The following UBE3C variants were observed in gnomAD, a reference collection of about 807,000 sequenced individuals.
UBE3C encodes the protein ubiquitin-protein ligase E3C.
UBE3C carries 42 observed loss-of-function variants against 129.4 expected under a neutral mutation model. The observed-to-expected ratio is 0.32, with a 90% CI of 0.25 to 0.42. UBE3C has a LOEUF of 0.42. UBE3C is among the 10% of genes least tolerant of loss of function. The pLI is 1.00. For synonymous variants in UBE3C, 510 were observed against 492.4 expected (o/e 1.04, Z -0.47); for missense variants, 1,049 against 1,319.1 (o/e 0.80, Z 3.17).
At chr7:157,184,667 G>A (rs1236915363) in intron 9 of UBE3C, among the ~76,000 whole-genome samples, 3 of 152,140 alleles carry the variant, frequency 2.0e-5, no homozygotes, top group Non-Finnish European at 2.9e-5. Flanking sequence ...ACTACTAAGT[G>A]TAATCACAGA....
At chr7:157,220,656 A>G (rs1563061760) in intron 14 of UBE3C, 33 bp from the exon 15 acceptor site, 2 of 1,613,204 alleles carry the variant, frequency 1.2e-6, no homozygotes, top group Admixed American at 1.7e-5. Context: ...GCTAGAGCAC[A>G]GGGGAGTTCT....
intron 11 of UBE3C, among the ~76,000 whole-genome samples, chr7:157,203,718 G>A (rs1224114742): frequency 6.6e-6 from 1 of 152,164 alleles, no homozygotes; most frequent in Non-Finnish European, 1.5e-5. Flanking sequence ...TTAAAAGACA[G>A]TTTGATAATT....
At chr7:157,171,686 A>ATATATAT (rs1563039077) in intron 4 of UBE3C, among the ~76,000 whole-genome samples, 1 of 37,634 alleles carries the variant, frequency 2.7e-5, no homozygotes, top group Non-Finnish European at 5.3e-5. Flanking sequence ...ATATATATAT[A>ATATATAT]TTTTTTTTTT....
chr7:157,167,814 G>T, intron 2 of UBE3C, among the ~76,000 whole-genome samples: 1 of 152,088 alleles, frequency 6.6e-6, no homozygotes, highest in East Asian at 1.9e-4. Flanking sequence ...GGGATTACAG[G>T]CATGAGCCAC....
chr7:157,228,732 T>C (rs1476199355), intron 17 of UBE3C, among the ~76,000 whole-genome samples: 2 of 152,186 alleles, frequency 1.3e-5, no homozygotes, highest in Admixed American at 6.5e-5. Context: ...CCCCATCTTG[T>C]CCATTCAGTC....
At chr7:157,181,817 C>G in intron 7 of UBE3C, 146 bp downstream of exon 7, 4 of 1,124,142 alleles carry the variant, frequency 3.6e-6, no homozygotes, top group Non-Finnish European at 5.0e-6. Flanking sequence ...GGAAAGTGTA[C>G]TTTTTCTTTC....
intron 8 of UBE3C, among the ~76,000 whole-genome samples, 185 bp from the exon 9 acceptor site, chr7:157,183,693 A>G (rs987111574): frequency 1.3e-5 from 2 of 152,220 alleles, no homozygotes; most frequent in Non-Finnish European, 2.9e-5. Flanking sequence ...CAAGAGTTGT[A>G]GGTGCTTTCT....
chr7:157,177,593 C>A (rs1231096085), intron 5 of UBE3C, among the ~76,000 whole-genome samples: 1 of 152,248 alleles, frequency 6.6e-6, no homozygotes, highest in African/African-American at 2.4e-5. Flanking sequence ...CCCCGCTCCT[C>A]CTGCACTCGT....
intron 10 of UBE3C, among the ~76,000 whole-genome samples, chr7:157,196,009 A>G (rs915531394): frequency 6.6e-6 from 1 of 152,208 alleles, no homozygotes; most frequent in African/African-American, 2.4e-5. Context: ...TATGGATTTC[A>G]AGACGAGGCG....
intron 1 of UBE3C, among the ~76,000 whole-genome samples, chr7:157,142,395 A>C (rs1435222437): frequency 2.0e-5 from 3 of 152,158 alleles, no homozygotes; most frequent in Non-Finnish European, 4.4e-5. Flanking sequence ...GAAGTTGATA[A>C]TCTTGTTGGG....
chr7:157,256,957 A>T lies in UBE3C; in HGVS notation c.2994A>T (p.Arg998Ser), dbSNP rs941429650. 1 of 1,614,042 alleles carries T rather than the reference A, an allele frequency of 6.2e-7. No homozygotes were observed. Among genetic ancestry groups the T allele is most frequent in the African/African-American group, 1.3e-5 (1 of 74,914 alleles). Residue 998 changes from arginine (R) to serine (S), a missense_variant, in exon 22 of 23, where the codon AGA becomes AGT. Arg to Ser is a moderately radical substitution (Grantham distance 110). This residue lies in a region of UBE3C where 243 missense variants were observed against 368.7 expected (regional missense o/e 0.66). Transcript: ENST00000348165. Reference protein sequence around the residue: ...ADHPVIKVFWRVVEGFTDEEK... With the variant: ...ADHPVIKVFWSVVEGFTDEEK... ...ATCCTGTTATTAAGGTCTTCTGGAG[A>T]GTTGTGGAAGGGTTCACTGATGAAG...
chr7:157,263,663 CA>C (rs375631649), intron 22 of UBE3C, among the ~76,000 whole-genome samples: 1,671 of 76,224 alleles, frequency 0.022, 15 homozygotes, highest in African/African-American at 0.029. Flanking sequence ...GACGCCAACT[CA>C]AAAAAAAAAA....
chr7:157,188,820 T>C, intron 10 of UBE3C: 1 of 412,574 alleles, frequency 2.4e-6, no homozygotes, highest in Non-Finnish European at 4.3e-6. Context: ...TTTAAAAAAG[T>C]ATTTGAAAGA....
intron 6 of UBE3C, 31 bp downstream of exon 6, chr7:157,178,878 T>G (rs1808595086): frequency 2.5e-6 from 4 of 1,608,214 alleles, no homozygotes; most frequent in Non-Finnish European, 3.4e-6. Context: ...GAACTGTGGC[T>G]CAGCATCCTG....
chr7:157,254,685 C>T (rs1019343673), intron 21 of UBE3C, among the ~76,000 whole-genome samples: 1 of 152,122 alleles, frequency 6.6e-6, no homozygotes, highest in African/African-American at 2.4e-5. Context: ...GGGCGTGAGC[C>T]ACCATGCCTG....
intron 14 of UBE3C, 37 bp downstream of exon 14, chr7:157,217,008 A>T (rs1795600236): frequency 6.7e-7 from 1 of 1,494,838 alleles, no homozygotes; most frequent in African/African-American, 1.4e-5. Context: ...TTATCATTAA[A>T]AAATACATTC....
intron 19 of UBE3C, among the ~76,000 whole-genome samples, chr7:157,250,859 A>T (rs903180247): frequency 1.3e-5 from 2 of 152,144 alleles, no homozygotes; most frequent in Non-Finnish European, 2.9e-5. Context: ...TGTTGTGGTG[A>T]CCTGCCTGAG....
chr7:157,265,584 G>T (rs1283770846), intron 22 of UBE3C, among the ~76,000 whole-genome samples: 2 of 152,156 alleles, frequency 1.3e-5, no homozygotes, highest in Admixed American at 6.5e-5. Context: ...GCAACACGTC[G>T]TGCCGCGCGT....
At chr7:157,152,332 A>G (rs1807778503) in intron 1 of UBE3C, among the ~76,000 whole-genome samples, 1 of 152,178 alleles carries the variant, frequency 6.6e-6, no homozygotes, top group South Asian at 2.1e-4. Context: ...AGTTTTAAGC[A>G]CATTAATGAG....
Sources: allele counts gnomAD v4.1 joint callset (sites outside exome capture counted in the v4.1 genomes callset), GRCh38; gene constraint gnomAD v4.1.1; regional missense constraint gnomAD v4.1.1; transcripts MANE v1.5; gene names NCBI Gene and HGNC (gene_info 2026-07-23, HGNC 2026-07-21).